RAP1GAP: variants seen among roughly 807,000 people sequenced by gnomAD.
RAP1GAP encodes RAP1 GTPase activating protein, also known as rap1 GTPase-activating protein 1.
In RAP1GAP, 35 loss-of-function variants were observed where a neutral mutation model predicts 87.2. The observed-to-expected ratio is 0.40, with a 90% confidence interval of 0.31 to 0.53. RAP1GAP has a LOEUF of 0.53. Among genes scored for constraint, RAP1GAP ranks in the 20% least tolerant of loss-of-function variants. RAP1GAP has a pLI of 0.48. For synonymous variants in RAP1GAP, 375 were observed against 363.9 expected, an observed-to-expected ratio of 1.03 and a Z score of -0.35; for missense variants, 734 against 898.9, an observed-to-expected ratio of 0.82 and a Z score of 2.35.
At chr1:21,621,361 G>A (rs1473376934) in intron 3 of RAP1GAP, among the ~76,000 whole-genome samples, 2 of 152,098 alleles carry the variant, frequency 1.3e-5, no homozygotes, top group African/African-American at 4.8e-5. Flanking sequence ...CAACTGCAGG[G>A]GTAGCTAATC....
At chr1:21,605,861 T>A (rs532333334) in intron 18 of RAP1GAP, among the ~76,000 whole-genome samples, 2 of 152,204 alleles carry the variant, frequency 1.3e-5, no homozygotes, top group Non-Finnish European at 2.9e-5. Context: ...GGCTGCAGGC[T>A]GCAAGCTGTC....
At chr1:21,651,629 G>C (rs1441688972) in intron 1 of RAP1GAP, 2 of 784,456 alleles carry the variant, frequency 2.5e-6, no homozygotes, top group African/African-American at 3.5e-5. Context: ...CGACAGCCAT[G>C]CGCGCACTGA....
At position 21,626,355 on chromosome 1, in the gene RAP1GAP, G is replaced by A. The variant is rs2092040857; in HGVS notation, c.-70C>T. 6.2e-7 allele frequency: 1 copy of A among 1,613,342 alleles called. No individual in the cohort carries two copies. Among genetic ancestry groups the A allele is most frequent in the Non-Finnish European group, 8.5e-7 (1 of 1,179,394 alleles). ...AGGGAACTAAGTTCACTCGTGACAG[G>A]TCTAGTGCCTGAGGGAAGTGCTGGT... On this transcript the variant is annotated 5_prime_UTR_variant, in exon 3 of 25. Coordinates refer to ENST00000374765, the MANE Select transcript of RAP1GAP (RefSeq NM_002885.4).
In RAP1GAP at chr1:21,613,143, C is replaced by T. The variant is rs777811079; in HGVS notation, c.528+33G>A. On this transcript the variant is annotated intron_variant, in intron 10 of 24. Coordinates refer to ENST00000374765, the MANE Select transcript of RAP1GAP (RefSeq NM_002885.4). This position sits in a 1 kb window ranked among gnomAD's most constrained non-coding sequence, Gnocchi z 4.7. ...GCTCAGTCTTCCAGTTACTCACCCA[C>T]CCTCAGTGAGCTGTGCCCAGATCCA... The T allele has an allele frequency of 6.6e-7, 1 of 1,524,442 alleles. No homozygotes were observed. 94.4% of individuals were successfully genotyped at this position (1,524,442 alleles called of 1,614,324 possible).
chr1:21,608,751 C>T, intron 16 of RAP1GAP, 99 bp downstream of exon 16: 2 of 1,261,824 alleles, frequency 1.6e-6, no homozygotes, highest in Non-Finnish European at 2.3e-6. Flanking sequence ...CCGCTAAGGC[C>T]AAGGTCTGAA....
chr1:21,618,215 T>C (rs1213311481), intron 5 of RAP1GAP, among the ~76,000 whole-genome samples: 1 of 152,196 alleles, frequency 6.6e-6, no homozygotes, highest in Non-Finnish European at 1.5e-5. Context: ...CTGGACTGCC[T>C]GGAGGGCTTG....
chr1:21,624,672 G>A (rs910539441), intron 3 of RAP1GAP, among the ~76,000 whole-genome samples: 3 of 152,128 alleles, frequency 2.0e-5, no homozygotes, highest in African/African-American at 7.2e-5. Context: ...GGTGGGGGTG[G>A]GCTGTCGGGA....
At chr1:21,637,934 A>G (rs891966938) in intron 2 of RAP1GAP, among the ~76,000 whole-genome samples, 24 of 148,966 alleles carry the variant, frequency 1.6e-4, no homozygotes, top group South Asian at 4.3e-4. Context: ...CAGGAGTTCA[A>G]GACCATCCTG....
At chr1:21,649,905 A>T in intron 1 of RAP1GAP, 109 bp from the exon 2 acceptor site, 2 of 1,182,314 alleles carry the variant, frequency 1.7e-6, no homozygotes, top group Non-Finnish European at 2.4e-6. Flanking sequence ...GGGGCTGGAG[A>T]AGGTCCTGTT....
intron 1 of RAP1GAP, among the ~76,000 whole-genome samples, chr1:21,654,035 G>A (rs905509341): frequency 4.7e-5 from 7 of 150,114 alleles, no homozygotes; most frequent in African/African-American, 9.8e-5. Context: ...AGCCCAGTGT[G>A]GGCTCCAGCC....
At chr1:21,614,727 G>C (rs2080884664) in intron 7 of RAP1GAP, among the ~76,000 whole-genome samples, 1 of 152,154 alleles carries the variant, frequency 6.6e-6, no homozygotes. Context: ...CCCCAGAGAG[G>C]AGCCCAGGGC....
intron 19 of RAP1GAP, among the ~76,000 whole-genome samples, 178 bp from the exon 20 acceptor site, chr1:21,601,975 G>A (rs2068948892): frequency 6.6e-6 from 1 of 152,210 alleles, no homozygotes; most frequent in Admixed American, 6.5e-5. Context: ...CCAGTGATGG[G>A]GTTGGCACTG....
At chr1:21,654,097 G>A (rs1354170574) in intron 1 of RAP1GAP, among the ~76,000 whole-genome samples, 1 of 143,946 alleles carries the variant, frequency 6.9e-6, no homozygotes, top group South Asian at 2.5e-4. Flanking sequence ...TGGGGGTGGG[G>A]GTGGGAGTGG....
At chr1:21,651,851 C>G in intron 1 of RAP1GAP, 1 of 1,114,932 alleles carries the variant, frequency 9.0e-7, no homozygotes. Flanking sequence ...CGGCCCGGCC[C>G]GCGCGAGCCG....
Position 21,622,646 on chromosome 1 carries a change from CG to C in RAP1GAP, c.-18-2597del, listed in dbSNP as rs1226530146. On this transcript the variant is annotated intron_variant, in intron 3 of 24. Transcript: ENST00000374765. The surrounding 1 kb of genome is among the most constrained non-coding windows in gnomAD (Gnocchi z 5.7). ...GGGCGGGGCGGGGGCGCTGAAGCCACGCCCCCCGGGCGGCCCGGCCCGCGGC... is the reference window on the plus strand; with the variant it reads ...GGGCGGGGCGGGGGCGCTGAAGCCACCCCCCCGGGCGGCCCGGCCCGCGGC... The C allele has an allele frequency of 6.8e-6, 1 of 147,692 alleles. No homozygotes were observed. Among genetic ancestry groups the C allele is most frequent in the South Asian group, 2.1e-4 (1 of 4,838 alleles). The allele number at this position is 147,692 out of a possible 1,614,324, so 9.1% of individuals were successfully genotyped here.
rs2088569849 is a variant in RAP1GAP, at chr1:21,622,248, C to T, written c.-18-2198G>A. The T allele has an allele frequency of 5.2e-6, 2 of 384,718 alleles. No individual in the cohort carries two copies. The highest frequency in any genetic ancestry group is 9.4e-6 in the Non-Finnish European group (2 of 212,960). The allele number at this position is 384,718 out of a possible 1,614,324, so 23.8% of individuals were successfully genotyped here. A position where few individuals can be genotyped will look rare whatever the true frequency, so the allele number is the denominator to read the frequency against. On this transcript the variant is annotated intron_variant, in intron 3 of 24. Transcript: ENST00000374765. The surrounding 1 kb of genome is among the most constrained non-coding windows in gnomAD (Gnocchi z 5.7). ...CATGACGGAGCCTTGTCCGCCCGCC[C>T]TGGCTGGGGCAGAGCCGGCCGGGCT...
In RAP1GAP at chr1:21,609,986, A is replaced by C; in HGVS notation, c.999+134T>G. 1 of 1,119,074 alleles carries C rather than the reference A, an allele frequency of 8.9e-7. No individual in the cohort carries two copies. The highest frequency in any genetic ancestry group is 2.8e-5 in the Admixed American group (1 of 35,428). 69.3% of individuals were successfully genotyped at this position (1,119,074 alleles called of 1,614,324 possible). A position where few individuals can be genotyped will look rare whatever the true frequency, so the allele number is the denominator to read the frequency against. On this transcript the variant is annotated intron_variant, in intron 14 of 24. Coordinates refer to ENST00000374765, the MANE Select transcript of RAP1GAP (RefSeq NM_002885.4). The surrounding 1 kb of genome is among the most constrained non-coding windows in gnomAD (Gnocchi z 4.4). Reference sequence around the variant, plus strand: ...GGACGACAGGGGGCGTGGTGTGAACAGTGCACCATTGAAGCCTTCCATGGT... The same window carrying C: ...GGACGACAGGGGGCGTGGTGTGAACCGTGCACCATTGAAGCCTTCCATGGT...
rs1448397087 is a variant in RAP1GAP, at chr1:21,611,458, G to C, written c.837C>G (p.Ala279=). The part of the protein sequence containing the change: ...STKLPYTEGD[A]QQLQRKRHIG... ...GTGGGGGTGCCCAGGCTACCTGCTG[G>C]GCGTCCCCTTCCGTGTATGGCAGCT... Residue 279 remains alanine (A), a synonymous_variant, in exon 13 of 25, where the codon GCC becomes GCG. Coordinates refer to ENST00000374765, the MANE Select transcript of RAP1GAP (RefSeq NM_002885.4). 6.2e-7 allele frequency: 1 copy of C among 1,613,586 alleles called. No individual in the cohort carries two copies. Among genetic ancestry groups the C allele is most frequent in the Admixed American group, 1.7e-5 (1 of 59,934 alleles).
chr1:21,652,052 G>T (rs2152034571), intron 1 of RAP1GAP: 1 of 173,164 alleles, frequency 5.8e-6, no homozygotes, highest in East Asian at 1.9e-4. Flanking sequence ...TTCCGAGCCG[G>T]GCCCAGCCGG....
Sources: allele counts gnomAD v4.1 joint callset (sites outside exome capture counted in the v4.1 genomes callset), GRCh38; gene constraint gnomAD v4.1.1; non-coding constraint Gnocchi (gnomAD v3.1); transcripts MANE v1.5; gene names NCBI Gene and HGNC (gene_info 2026-07-23, HGNC 2026-07-21).